GALNT13: variants seen among roughly 807,000 people sequenced by gnomAD.
The protein encoded by GALNT13 is UDP-GalNAc:polypeptide N-acetylgalactosaminyltransferase 13.
Under a neutral mutation model 64.2 loss-of-function variants are expected in GALNT13, and 28 were observed. That is an observed-to-expected ratio of 0.44 (90% CI 0.32 to 0.60). The LOEUF (loss-of-function observed/expected upper bound fraction) is 0.60, where lower values mean the gene tolerates loss of function less well. Ranked by LOEUF, GALNT13 falls within the 20% of genes least tolerant of loss-of-function variation. The pLI, the probability that GALNT13 is intolerant of heterozygous loss-of-function variation, is 0.05. For synonymous variants in GALNT13, 214 were observed against 224.6 expected (o/e 0.95, Z 0.42); for missense variants, 577 against 669.8 (o/e 0.86, Z 1.53).
upstream of GALNT13, among the ~76,000 whole-genome samples, chr2:153,870,797 T>C (rs1007464939): frequency 4.0e-5 from 6 of 151,288 alleles, no homozygotes; most frequent in African/African-American, 1.5e-4. Context: ...TATTTTTATG[T>C]AGTCGTTATA....
the GALNT13 span, among the ~76,000 whole-genome samples, chr2:153,658,057 A>G: frequency 6.6e-6 from 1 of 152,208 alleles, no homozygotes; most frequent in African/African-American, 2.4e-5. Context: ...CACCAACAAT[A>G]AGGTCCAAAA....
chr2:153,999,581 C>T (rs895961253), intron 3 of GALNT13, among the ~76,000 whole-genome samples: 5 of 151,830 alleles, frequency 3.3e-5, no homozygotes, highest in African/African-American at 1.2e-4. Flanking sequence ...ATGTATGATT[C>T]TTCTGTCCTT....
intron 3 of GALNT13, among the ~76,000 whole-genome samples, chr2:154,093,293 C>G (rs1701908627): frequency 6.6e-6 from 1 of 151,922 alleles, no homozygotes; most frequent in Non-Finnish European, 1.5e-5. Flanking sequence ...AACTAGAATG[C>G]CAATGATTGC....
At chr2:153,789,605 A>C in the GALNT13 span, among the ~76,000 whole-genome samples, 4 of 152,312 alleles carry the variant, frequency 2.6e-5, no homozygotes, top group South Asian at 4.1e-4. Flanking sequence ...AGTTGAACTG[A>C]AGATCAAGGC....
the GALNT13 span, among the ~76,000 whole-genome samples, chr2:153,291,821 T>C: frequency 6.6e-6 from 1 of 151,654 alleles, no homozygotes; most frequent in African/African-American, 2.4e-5. Flanking sequence ...GTACGAATTG[T>C]CTGGAGACAC....
the GALNT13 span, among the ~76,000 whole-genome samples, chr2:153,118,143 A>AC: frequency 5.4e-5 from 8 of 147,802 alleles, no homozygotes; most frequent in East Asian, 1.6e-3. Context: ...ACACACACAC[A>AC]CACCCCACAT....
chr2:153,253,167 T>A, the GALNT13 span, among the ~76,000 whole-genome samples: 1 of 150,976 alleles, frequency 6.6e-6, no homozygotes, highest in Non-Finnish European at 1.5e-5. Flanking sequence ...GTAGTTCTCC[T>A]TGAAGAGGTC....
At chr2:154,289,364 T>A (rs1302024287) in intron 8 of GALNT13, among the ~76,000 whole-genome samples, 1 of 152,168 alleles carries the variant, frequency 6.6e-6, no homozygotes, top group African/African-American at 2.4e-5. Context: ...GATAAAGAAA[T>A]ACCCGAGACT....
At chr2:153,188,072 G>A in the GALNT13 span, among the ~76,000 whole-genome samples, 1 of 151,814 alleles carries the variant, frequency 6.6e-6, no homozygotes, top group African/African-American at 2.4e-5. Flanking sequence ...CTAATAAAGA[G>A]TATATATAAA....
chr2:154,258,960 C>T (rs1690537783), intron 7 of GALNT13, 61 bp from the exon 8 acceptor site: 2 of 856,550 alleles, frequency 2.3e-6, no homozygotes, highest in Non-Finnish European at 4.0e-6. Context: ...GCTACAGTCT[C>T]ATTAAACTCC....
the GALNT13 span, among the ~76,000 whole-genome samples, chr2:153,244,678 C>T: frequency 6.6e-6 from 1 of 152,314 alleles, no homozygotes; most frequent in African/African-American, 2.4e-5. Flanking sequence ...CAAAAAATAC[C>T]TTTGCAGCTA....
At chr2:153,131,677 G>C in the GALNT13 span, among the ~76,000 whole-genome samples, 3 of 152,090 alleles carry the variant, frequency 2.0e-5, no homozygotes, top group Admixed American at 2.0e-4. Flanking sequence ...GTTAGCTTAG[G>C]GTCACATGGT....
chr2:154,423,835 G>A (rs1202985655), intron 11 of GALNT13, among the ~76,000 whole-genome samples: 1 of 152,102 alleles, frequency 6.6e-6, no homozygotes, highest in East Asian at 1.9e-4. Context: ...CTTTACAATG[G>A]AGAAATATTG....
At chr2:153,431,221 T>C in the GALNT13 span, among the ~76,000 whole-genome samples, 1 of 152,130 alleles carries the variant, frequency 6.6e-6, no homozygotes, top group Admixed American at 6.6e-5. Context: ...TTTACTGATG[T>C]TATAGTTGCC....
the GALNT13 span, among the ~76,000 whole-genome samples, chr2:153,459,259 G>A: frequency 6.6e-6 from 1 of 151,902 alleles, no homozygotes; most frequent in Non-Finnish European, 1.5e-5. Context: ...AAACATGAGA[G>A]TCATATGGCA....
chr2:153,806,408 G>A, the GALNT13 span, among the ~76,000 whole-genome samples: 1 of 151,712 alleles, frequency 6.6e-6, no homozygotes, highest in East Asian at 1.9e-4. Context: ...TATACTACTG[G>A]GTGAATAAAT....
intron 3 of GALNT13, among the ~76,000 whole-genome samples, chr2:154,016,137 A>G (rs1696988730): frequency 6.6e-6 from 1 of 152,206 alleles, no homozygotes; most frequent in Non-Finnish European, 1.5e-5. Context: ...TTGATTGATA[A>G]TGGAGCGAAG....
the GALNT13 span, among the ~76,000 whole-genome samples, chr2:153,704,737 T>C: frequency 6.6e-6 from 1 of 152,196 alleles, no homozygotes; most frequent in African/African-American, 2.4e-5. Flanking sequence ...TCCAATCAGA[T>C]AGAAAATGTA....
At chr2:153,583,458 A>C in the GALNT13 span, among the ~76,000 whole-genome samples, 3 of 152,212 alleles carry the variant, frequency 2.0e-5, no homozygotes, top group Non-Finnish European at 2.9e-5. Flanking sequence ...ACAGAAAAGC[A>C]AAAAGAAACT....
Sources: allele counts gnomAD v4.1 joint callset (sites outside exome capture counted in the v4.1 genomes callset), GRCh38; gene constraint gnomAD v4.1.1; transcripts MANE v1.5; gene names NCBI Gene and HGNC (gene_info 2026-07-23, HGNC 2026-07-21).